Variants in TUBB1 observed in about 807,000 individuals in gnomAD.
TUBB1 encodes tubulin beta-1 chain.
Under a neutral mutation model 22.6 loss-of-function variants are expected in TUBB1, and 28 were observed. The ratio of observed to expected loss-of-function variants is 1.24; its 90% CI spans 0.92 to 1.70. TUBB1 has a LOEUF of 1.70. Among genes scored for constraint, TUBB1 ranks in the 40% most tolerant of loss-of-function variants. The pLI is 0.00. For synonymous variants in TUBB1, 226 were observed against 238.0 expected, an observed-to-expected ratio of 0.95 and a Z score of 0.46; for missense variants, 577 against 605.5, an observed-to-expected ratio of 0.95 and a Z score of 0.49.
chr20:59,022,912 T>C lies in TUBB1; in HGVS notation c.125T>C (p.Leu42Ser). 6.2e-7 allele frequency: 1 copy of C among 1,614,060 alleles called. No individual in the cohort carries two copies. Among genetic ancestry groups the C allele is most frequent in the Non-Finnish European group, 8.5e-7 (1 of 1,180,006 alleles). ...GGGAGCGACCGCGGGGCCTCGGCCT[T>C]GCAGCTGGAGAGAATCAGCGTGTAC... is the stretch of plus-strand genomic sequence containing the variant. ...LAGSDRGASA[L>S]QLERISVYYN... The change falls in exon 2 of 4, where the codon TTG becomes TCG. Residue 42 changes from leucine (L) to serine (S), a missense_variant. Physicochemically the swap from Leu to Ser is moderately radical, Grantham distance 145 (BLOSUM62 -2). Transcript: ENST00000217133.
At chr20:59,016,853 C>T (rs796564735), upstream of TUBB1, among the ~76,000 whole-genome samples, 2 of 152,264 alleles carry the variant, frequency 1.3e-5, no homozygotes, top group Non-Finnish European at 2.9e-5. Context: ...TTTGCACATT[C>T]TTCTCTTTAC....
rs753978071 is a variant in TUBB1 at position 59,023,847 on chromosome 20, C to T, written c.420C>T (p.Gly140=). ...LQGFQIVHSL[G]GGTGSGMGTL... Reference sequence around the variant, plus strand: ...GCTTCCAGATCGTCCACTCCCTGGGCGGGGGCACAGGCTCCGGGATGGGCA... The same window carrying T: ...GCTTCCAGATCGTCCACTCCCTGGGTGGGGGCACAGGCTCCGGGATGGGCA... The change falls in exon 4 of 4, where the codon GGC becomes GGT. Residue 140 remains glycine, a synonymous_variant. Transcript: ENST00000217133. The T allele has an allele frequency of 7.4e-6, 12 of 1,613,946 alleles. No individual in the cohort carries two copies. The highest frequency in any genetic ancestry group is 8.5e-6 in the Non-Finnish European group (10 of 1,179,976).
In TUBB1 at chr20:59,023,633, G is replaced by C. The variant is rs570054452; in HGVS notation, c.277+33G>C. ...TTTCCAGAAGGTTCCACCAGGAGGAGGGGGGGATGCTTTACTGGTGCCCTT... is the reference window on the plus strand; with the variant it reads ...TTTCCAGAAGGTTCCACCAGGAGGACGGGGGGATGCTTTACTGGTGCCCTT... On this transcript the variant is annotated intron_variant, in intron 3 of 3. Transcript: ENST00000217133. 591 of 1,609,080 alleles carry C rather than the reference G, an allele frequency of 3.7e-4. 4 individuals carry two copies. The South Asian group carries it at 6.1e-3, about 17-fold the overall frequency.
intron 2 of TUBB1, among the ~76,000 whole-genome samples, 187 bp from the exon 3 acceptor site, chr20:59,023,303 T>G (rs375410018): frequency 1.3e-5 from 2 of 152,238 alleles, no homozygotes; most frequent in East Asian, 1.9e-4. Context: ...CTGGGTATTC[T>G]ATAGATTTGT....
At position 59,019,491 on chromosome 20, in the gene TUBB1, G is replaced by T. The variant is rs376040250; in HGVS notation, c.-32G>T. ...TGGATTCTGAGAGTCTGAGGATTCC[G>T]TGAAGATCTCAGACTTGGGCTCAGA... On this transcript the variant is annotated 5_prime_UTR_variant, in exon 1 of 4. Coordinates refer to ENST00000217133, the MANE Select transcript of TUBB1 (RefSeq NM_030773.4). The T allele has an allele frequency of 6.2e-7, 1 of 1,612,426 alleles. No individual in the cohort carries two copies. The highest frequency in any genetic ancestry group is 1.3e-5 in the African/African-American group (1 of 74,880).
In TUBB1 at chr20:59,024,200, T is replaced by A; in HGVS notation, c.773T>A (p.Val258Asp). Residue 258 changes from valine (V) to aspartate (D), a missense_variant, in exon 4 of 4, where the codon GTC becomes GAC. Physicochemically the swap from Val to Asp is radical, Grantham distance 152. Coordinates refer to ENST00000217133, the MANE Select transcript of TUBB1 (RefSeq NM_030773.4). This position sits in a 1 kb window ranked among gnomAD's most constrained non-coding sequence, Gnocchi z 4.9. ...CTGCGCAAGCTGGCGGTGAACATGGTCCCCTTCCCCCGCCTGCACTTCTTT... is the reference window on the plus strand; with the variant it reads ...CTGCGCAAGCTGGCGGTGAACATGGACCCCTTCCCCCGCCTGCACTTCTTT... Reference protein sequence around the residue: ...ADLRKLAVNMVPFPRLHFFMP... With the variant: ...ADLRKLAVNMDPFPRLHFFMP... 6.2e-7 allele frequency: 1 copy of A among 1,614,112 alleles called. No individual in the cohort carries two copies. The highest frequency in any genetic ancestry group is 8.5e-7 in the Non-Finnish European group (1 of 1,180,018).
rs745828581 is a variant in TUBB1, at chr20:59,024,539, A to G, written c.1112A>G (p.Asn371Ser). The change falls in exon 4 of 4, where the codon AAC becomes AGC. Residue 371 changes from asparagine to serine, a missense_variant. Asn to Ser is a conservative substitution (Grantham distance 46). Coordinates refer to ENST00000217133, the MANE Select transcript of TUBB1 (RefSeq NM_030773.4). This position sits in a 1 kb window ranked among gnomAD's most constrained non-coding sequence, Gnocchi z 4.9. ...ATGGCCGCCACCTTCATTGGCAACA[A>G]CACGGCCATCCAAGAGATCTTTAAT... ...LSMAATFIGN[N>S]TAIQEIFNRV... The G allele has an allele frequency of 6.2e-7, 1 of 1,614,206 alleles. No homozygotes were observed. Among genetic ancestry groups the G allele is most frequent in the Non-Finnish European group, 8.5e-7 (1 of 1,180,052 alleles).
chr20:59,024,769 G>A lies in TUBB1; in HGVS notation c.1342G>A (p.Asp448Asn), dbSNP rs138642232. The A allele has an allele frequency of 2.9e-4, 462 of 1,614,142 alleles. No individual in the cohort carries two copies. The highest frequency in any genetic ancestry group is 2.6e-4 in the Non-Finnish European group (303 of 1,180,016). ...VTEEAEMEPE[D>N]KGH ...GGAGGAGGCAGAAATGGAGCCAGAAGATAAGGGACATTAACTGTGAGAGAA... is the reference window on the plus strand; with the variant it reads ...GGAGGAGGCAGAAATGGAGCCAGAAAATAAGGGACATTAACTGTGAGAGAA... The change falls in exon 4 of 4, where the codon GAT (aspartate) becomes AAT (asparagine). Residue 448 changes from aspartate to asparagine, a missense_variant. Coordinates refer to ENST00000217133, the MANE Select transcript of TUBB1 (RefSeq NM_030773.4). This position sits in a 1 kb window ranked among gnomAD's most constrained non-coding sequence, Gnocchi z 4.9.
intron 1 of TUBB1, 92 bp downstream of exon 1, chr20:59,019,671 A>G: frequency 7.6e-7 from 1 of 1,313,574 alleles, no homozygotes; most frequent in Non-Finnish European, 1.1e-6. Flanking sequence ...GGAAGACAAT[A>G]AGTCTAGCAG....
chr20:59,021,261 C>T (rs902776377), intron 1 of TUBB1, among the ~76,000 whole-genome samples: 24 of 152,320 alleles, frequency 1.6e-4, no homozygotes, highest in African/African-American at 5.8e-4. Flanking sequence ...ACTCTGGAAT[C>T]GTATGGTCTA....
chr20:59,026,460 C>T lies in TUBB1; in HGVS notation c.*1677C>T, dbSNP rs531534689. ...TACACATGCTTCCTCTGGTGCTTTA[C>T]TTCCCAAACCTAAAAAAGCAATGAA... On this transcript the variant is annotated 3_prime_UTR_variant, in exon 4 of 4. Transcript: ENST00000217133. The T allele has an allele frequency of 6.6e-6, 1 of 152,300 alleles. No homozygotes were observed. Among genetic ancestry groups the T allele is most frequent in the Admixed American group, 6.5e-5 (1 of 15,300 alleles). The allele number at this position is 152,300 out of a possible 1,614,324, so 9.4% of individuals were successfully genotyped here. A position where few individuals can be genotyped will look rare whatever the true frequency, so the allele number is the denominator to read the frequency against.
chr20:59,018,133 C>T (rs1601234946), upstream of TUBB1, among the ~76,000 whole-genome samples: 2 of 152,340 alleles, frequency 1.3e-5, no homozygotes, highest in Admixed American at 1.3e-4. Context: ...AGGGCTCTCA[C>T]GCCTTCTCAG....
Position 59,019,491 on chromosome 20 carries a change from G to A in TUBB1, c.-32G>A, listed in dbSNP as rs376040250. Reference sequence around the variant, plus strand: ...TGGATTCTGAGAGTCTGAGGATTCCGTGAAGATCTCAGACTTGGGCTCAGA... The same window carrying A: ...TGGATTCTGAGAGTCTGAGGATTCCATGAAGATCTCAGACTTGGGCTCAGA... On this transcript the variant is annotated 5_prime_UTR_variant, in exon 1 of 4. The change creates a new upstream start codon in the 5' untranslated region. Transcript: ENST00000217133. 45 of 1,612,426 alleles carry A rather than the reference G, an allele frequency of 2.8e-5. 2 individuals are homozygous for A. The South Asian group carries it at 3.5e-4, about 13-fold the overall frequency.
intron 1 of TUBB1, among the ~76,000 whole-genome samples, chr20:59,019,929 A>T (rs983019065): frequency 6.6e-6 from 1 of 152,226 alleles, no homozygotes; most frequent in South Asian, 2.1e-4. Context: ...AGGCTGGAGT[A>T]GAGTGGCAGA....
intron 2 of TUBB1, 43 bp downstream of exon 2, chr20:59,022,996 G>C: frequency 6.5e-7 from 1 of 1,539,814 alleles, no homozygotes; most frequent in Non-Finnish European, 9.0e-7. Flanking sequence ...CCGCAACTGG[G>C]AACACAAGCA....
Position 59,025,065 on chromosome 20 carries a change from A to G in TUBB1, c.*282A>G, listed in dbSNP as rs1313388842. ...ATTGTAAAGTGCTCCCTTTGTTTCAAAGTGTTTGCCAGGCATCCAGACTAC... is the reference window on the plus strand; with the variant it reads ...ATTGTAAAGTGCTCCCTTTGTTTCAGAGTGTTTGCCAGGCATCCAGACTAC... On this transcript the variant is annotated 3_prime_UTR_variant, in exon 4 of 4. Transcript: ENST00000217133. 3 of 458,814 alleles carry G rather than the reference A, an allele frequency of 6.5e-6. No homozygotes were observed. The highest frequency in any genetic ancestry group is 5.9e-5 in the African/African-American group (3 of 50,620). The allele number at this position is 458,814 out of a possible 1,614,324, so 28.4% of individuals were successfully genotyped here. A position where few individuals can be genotyped will look rare whatever the true frequency, so the allele number is the denominator to read the frequency against.
chr20:59,023,983 G>T lies in TUBB1; in HGVS notation c.556G>T (p.Val186Phe). 6.2e-7 allele frequency: 1 copy of T among 1,614,086 alleles called. No individual in the cohort carries two copies. The highest frequency in any genetic ancestry group is 8.5e-7 in the Non-Finnish European group (1 of 1,179,998). ...SDTVVEPYNA[V>F]LSIHQLIENA... ...CACTGTGGTGGAGCCCTACAACGCG[G>T]TTCTGTCTATCCACCAGCTGATTGA... Residue 186 changes from valine (V) to phenylalanine (F), a missense_variant, in exon 4 of 4, where the codon GTT becomes TTT. Coordinates refer to ENST00000217133, the MANE Select transcript of TUBB1 (RefSeq NM_030773.4).
chr20:59,018,383 C>A (rs1228222722), upstream of TUBB1, among the ~76,000 whole-genome samples: 1 of 151,938 alleles, frequency 6.6e-6, no homozygotes, highest in Non-Finnish European at 1.5e-5. Context: ...CAGCCTGCTG[C>A]CACTCCTGTA....
chr20:59,020,820 A>C (rs930576592), intron 1 of TUBB1, among the ~76,000 whole-genome samples: 2 of 152,180 alleles, frequency 1.3e-5, no homozygotes, highest in Non-Finnish European at 2.9e-5. Context: ...AACCCCAAGA[A>C]CACAGATGCC....
Sources: gnomAD v4.1 joint callset for allele counts (sites outside exome capture counted in the v4.1 genomes callset) on GRCh38, gnomAD v4.1.1 for gene constraint, Gnocchi (gnomAD v3.1) non-coding constraint, MANE v1.5 for transcripts, NCBI Gene and HGNC (gene_info 2026-07-23, HGNC 2026-07-21) for gene names.